The following SLC17A4 variants were observed in gnomAD, a reference collection of about 807,000 sequenced individuals.
SLC17A4 encodes solute carrier family 17 member 4, also known as probable small intestine urate exporter.
A neutral mutation model predicts 52.5 loss-of-function variants in SLC17A4; 33 were observed. That is an observed-to-expected ratio of 0.63 (90% confidence interval 0.48 to 0.84). SLC17A4 has a LOEUF of 0.84. Among genes scored for constraint, SLC17A4 ranks in the 40% least tolerant of loss-of-function variants. The pLI is 0.00. For missense variants in SLC17A4, 585 were observed against 597.1 expected (o/e 0.98, Z 0.21); for synonymous variants, 225 against 216.2 (o/e 1.04, Z -0.36).
At chr6:25,762,104 A>G in intron 2 of SLC17A4, 51 bp downstream of exon 2, 9 of 1,511,442 alleles carry the variant, frequency 6.0e-6, no homozygotes, top group Non-Finnish European at 8.2e-6. Flanking sequence ...GATCTGTGGC[A>G]CTGTAACTTG....
chr6:25,773,174 T>C (rs1184799276), intron 6 of SLC17A4, 101 bp from the exon 7 acceptor site: 2 of 872,874 alleles, frequency 2.3e-6, no homozygotes, highest in Non-Finnish European at 3.9e-6. Context: ...AAGAGTGGTG[T>C]ACTGAGGCCA....
chr6:25,777,783 C>A, intron 10 of SLC17A4, 143 bp from the exon 11 acceptor site: 1 of 641,256 alleles, frequency 1.6e-6, no homozygotes, highest in Non-Finnish European at 2.8e-6. Flanking sequence ...CCAGTCATCT[C>A]CAGAGGTAAG....
chr6:25,771,032 C>T lies in SLC17A4; in HGVS notation c.706+20C>T. ...TCTTTGGTGAGTGTGCTTTTCAAAT[C>T]TCCAATTTTTATGACAGAGACTTCT... On this transcript the variant is annotated intron_variant, in intron 6 of 11. Coordinates refer to ENST00000377905, the MANE Select transcript of SLC17A4 (RefSeq NM_005495.3). 1 of 1,595,318 alleles carries T rather than the reference C, an allele frequency of 6.3e-7. No individual in the cohort carries two copies. The highest frequency in any genetic ancestry group is 2.2e-5 in the East Asian group (1 of 44,722).
At position 25,773,170 on chromosome 6, in the gene SLC17A4, G is replaced by T. The variant is rs542957329; in HGVS notation, c.707-105G>T. The stretch of plus-strand genomic sequence containing the variant: ...GCAAGGGATAGATGCCAGGAAGAGT[G>T]GTGTACTGAGGCCAGTCACTCTGTC... On this transcript the variant is annotated intron_variant, in intron 6 of 11. Coordinates refer to ENST00000377905, the MANE Select transcript of SLC17A4 (RefSeq NM_005495.3). The T allele has an allele frequency of 7.7e-5, 65 of 838,742 alleles. 2 individuals carry two copies. The Middle Eastern group carries it at 1.4e-3, about 18-fold the overall frequency. 52.0% of individuals were successfully genotyped at this position (838,742 alleles called of 1,614,324 possible).
intron 8 of SLC17A4, among the ~76,000 whole-genome samples, chr6:25,775,150 T>C (rs1762797548): frequency 6.6e-6 from 1 of 151,950 alleles, no homozygotes; most frequent in Non-Finnish European, 1.5e-5. Context: ...GCCAACATGG[T>C]GAACCCCCTG....
In SLC17A4 at chr6:25,771,349, G is replaced by A. The variant is rs544156671; in HGVS notation, c.706+337G>A. Among the ~76,000 whole-genome samples, 4 of 152,258 alleles carry A rather than the reference G, an allele frequency of 2.6e-5. No individual in the cohort carries two copies. The South Asian group carries it at 8.3e-4, about 32-fold the overall frequency. On this transcript the variant is annotated intron_variant, in intron 6 of 11. Transcript: ENST00000377905. ...AGCACTTTGGGAGGCTGAGGCAGGT[G>A]GATCACATGAGTCCAGGAGTTTGAA...
intron 8 of SLC17A4, among the ~76,000 whole-genome samples, 199 bp downstream of exon 8, chr6:25,773,873 A>G (rs1244115850): frequency 6.6e-6 from 1 of 152,146 alleles, no homozygotes; most frequent in Admixed American, 6.5e-5. Flanking sequence ...CAGGAGGATG[A>G]TACATATGGT....
At chr6:25,775,118 TC>T (rs1762793496) in intron 8 of SLC17A4, among the ~76,000 whole-genome samples, 2 of 152,006 alleles carry the variant, frequency 1.3e-5, no homozygotes, top group Admixed American at 1.3e-4. Context: ...TCATCTGAGG[TC>T]AGGTGTTTGA....
At chr6:25,766,609 T>G (rs1222555166) in intron 2 of SLC17A4, among the ~76,000 whole-genome samples, 4 of 152,306 alleles carry the variant, frequency 2.6e-5, no homozygotes, top group Non-Finnish European at 2.9e-5. Context: ...TAAGAAGTCT[T>G]GTTGACAGTG....
chr6:25,759,696 G>A (rs1761363171), intron 1 of SLC17A4, among the ~76,000 whole-genome samples: 1 of 152,174 alleles, frequency 6.6e-6, no homozygotes, highest in Non-Finnish European at 1.5e-5. Flanking sequence ...AGCTACTCCT[G>A]CTCGCTTTTG....
intron 3 of SLC17A4, among the ~76,000 whole-genome samples, chr6:25,769,584 G>GAAAT: frequency 6.6e-6 from 1 of 151,258 alleles, no homozygotes; most frequent in Admixed American, 6.6e-5. Flanking sequence ...AAGAAAGAAA[G>GAAAT]AAAAGAAAGG....
chr6:25,777,020 CT>C, intron 10 of SLC17A4, 61 bp downstream of exon 10: 1 of 1,531,540 alleles, frequency 6.5e-7, no homozygotes, highest in Non-Finnish European at 8.8e-7. Flanking sequence ...AGCCCTAAAT[CT>C]ACTCTGATGT....
At chr6:25,778,934 C>A in intron 11 of SLC17A4, 120 bp from the exon 12 acceptor site, 1 of 1,287,102 alleles carries the variant, frequency 7.8e-7, no homozygotes, top group Non-Finnish European at 1.1e-6. Context: ...AACTGGGAAG[C>A]CCATGGAAGC....
At chr6:25,777,904 G>T in intron 10 of SLC17A4, 22 bp from the exon 11 acceptor site, 1 of 1,592,586 alleles carries the variant, frequency 6.3e-7, no homozygotes, top group Non-Finnish European at 8.6e-7. Flanking sequence ...GGTTATAATA[G>T]AGTACCATCT....
chr6:25,755,048 T>TACACACACACACACAC (rs35878702), intron 1 of SLC17A4, among the ~76,000 whole-genome samples: 5 of 144,946 alleles, frequency 3.4e-5, no homozygotes, highest in African/African-American at 1.3e-4. Flanking sequence ...CACACACACA[T>TACACACACACACACAC]ACACACACAC....
At chr6:25,775,825 G>T (rs575507536) in intron 8 of SLC17A4, among the ~76,000 whole-genome samples, 2 of 152,254 alleles carry the variant, frequency 1.3e-5, no homozygotes, top group Non-Finnish European at 2.9e-5. Context: ...ATACAAAACA[G>T]TATACTTAGT....
At position 25,778,000 on chromosome 6, in the gene SLC17A4, G is replaced by C. The variant is rs781229952; in HGVS notation, c.1343G>C (p.Gly448Ala). The change falls in exon 11 of 12, where the codon GGA (glycine) becomes GCA (alanine). Residue 448 changes from glycine to alanine, a missense_variant. Gly to Ala is a moderately conservative substitution (Grantham distance 60, BLOSUM62 0). Coordinates refer to ENST00000377905, the MANE Select transcript of SLC17A4 (RefSeq NM_005495.3). ...IAGAISPTAA[G>A]FFISQDSEFG... The stretch of plus-strand genomic sequence containing the variant: ...GGAGCCATCTCTCCTACTGCTGCTG[G>C]ATTTTTCATCAGTCAGGTGAGGTCA... 3.1e-6 allele frequency: 5 copies of C among 1,612,224 alleles called. No homozygotes were observed. The highest frequency in any genetic ancestry group is 4.2e-6 in the Non-Finnish European group (5 of 1,179,554).
intron 6 of SLC17A4, 35 bp downstream of exon 6, chr6:25,771,047 C>A: frequency 6.6e-7 from 1 of 1,525,714 alleles, no homozygotes; most frequent in Non-Finnish European, 9.1e-7. Context: ...ATTTTTATGA[C>A]AGAGACTTCT....
At chr6:25,755,036 GACAC>G (rs1162916466) in intron 1 of SLC17A4, among the ~76,000 whole-genome samples, 2 of 106,742 alleles carry the variant, frequency 1.9e-5, no homozygotes, top group Non-Finnish European at 3.8e-5. Flanking sequence ...CAGACAGACA[GACAC>G]ACACACATAC....
Sources: gnomAD v4.1 joint callset for allele counts (sites outside exome capture counted in the v4.1 genomes callset) on GRCh38, gnomAD v4.1.1 for gene constraint, MANE v1.5 for transcripts, NCBI Gene and HGNC (gene_info 2026-07-23, HGNC 2026-07-21) for gene names.